TASP1: variants seen among roughly 807,000 people sequenced by gnomAD.
TASP1 encodes threonine aspartase 1.
Under a neutral mutation model 56.6 loss-of-function variants are expected in TASP1, and 16 were observed. The observed-to-expected ratio is 0.28, with a 90% CI of 0.19 to 0.43. The LOEUF (loss-of-function observed/expected upper bound fraction) is 0.43. TASP1 is among the 20% of genes least tolerant of loss of function. The pLI, the probability that TASP1 is intolerant of heterozygous loss-of-function variation, is 1.00. For missense variants in TASP1, 393 were observed against 511.6 expected (o/e 0.77, Z 2.24); for synonymous variants, 179 against 184.2 (o/e 0.97, Z 0.23).
the TASP1 span, among the ~76,000 whole-genome samples, chr20:13,351,931 A>C: frequency 6.6e-6 from 1 of 152,216 alleles, no homozygotes; most frequent in Non-Finnish European, 1.5e-5. Context: ...AAATCTGGCA[A>C]GCATGACAGA....
the TASP1 span, among the ~76,000 whole-genome samples, chr20:13,343,682 C>T: frequency 5.3e-5 from 8 of 152,094 alleles, no homozygotes; most frequent in African/African-American, 1.9e-4. Context: ...GGAGCTCCCC[C>T]TCGGGACTCA....
At chr20:13,413,019 G>C (rs1376143977) in intron 13 of TASP1, among the ~76,000 whole-genome samples, 2 of 152,022 alleles carry the variant, frequency 1.3e-5, no homozygotes, top group Non-Finnish European at 2.9e-5. Context: ...TCAAACCACA[G>C]CTCACAGTGT....
At chr20:13,631,150 A>G (rs2049073059) in intron 1 of TASP1, among the ~76,000 whole-genome samples, 1 of 152,134 alleles carries the variant, frequency 6.6e-6, no homozygotes, top group Admixed American at 6.5e-5. Flanking sequence ...GCATTTTTAA[A>G]TTCCCTTAAT....
At chr20:13,157,352 G>A in the TASP1 span, among the ~76,000 whole-genome samples, 1 of 151,940 alleles carries the variant, frequency 6.6e-6, no homozygotes, top group East Asian at 1.9e-4. Context: ...CAGGATAATC[G>A]CTGGAACCCG....
chr20:13,447,281 T>C (rs1003899713), intron 11 of TASP1, among the ~76,000 whole-genome samples: 2 of 152,180 alleles, frequency 1.3e-5, no homozygotes, highest in East Asian at 3.9e-4. Flanking sequence ...TTTGTATTTA[T>C]TTATGAATAA....
At chr20:13,167,558 C>T in the TASP1 span, 1 of 152,106 alleles carries the variant, frequency 6.6e-6, no homozygotes, top group Non-Finnish European at 1.5e-5. Flanking sequence ...TGAAAATGAC[C>T]TCAGGAAAGC....
chr20:13,169,099 A>G, the TASP1 span: 1 of 152,142 alleles, frequency 6.6e-6, no homozygotes, highest in Non-Finnish European at 1.5e-5. Context: ...ATAATATGAA[A>G]ATAATTGATG....
chr20:13,235,983 G>A, the TASP1 span, among the ~76,000 whole-genome samples: 2 of 151,526 alleles, frequency 1.3e-5, no homozygotes, highest in East Asian at 1.9e-4. Context: ...GGAGTGCAGT[G>A]ATGCAATCTT....
chr20:13,509,124 A>AGTGTGTGT (rs71334125), intron 10 of TASP1, among the ~76,000 whole-genome samples: 21,689 of 142,612 alleles, frequency 0.15, 1,886 homozygotes, highest in Non-Finnish European at 0.19. Flanking sequence ...GAATGAAGAA[A>AGTGTGTGT]GTGTGTGTGT....
At chr20:13,288,586 C>T in the TASP1 span, 4 of 1,613,814 alleles carry the variant, frequency 2.5e-6, no homozygotes, top group Non-Finnish European at 2.5e-6. Context: ...CTGTCTGCAG[C>T]GTCACCTGCG....
intron 10 of TASP1, among the ~76,000 whole-genome samples, chr20:13,524,779 T>C (rs1446438545): frequency 6.6e-6 from 1 of 152,188 alleles, no homozygotes; most frequent in African/African-American, 2.4e-5. Flanking sequence ...CTGGTGGCAG[T>C]AGTGACAGAG....
chr20:13,337,179 T>C, the TASP1 span, among the ~76,000 whole-genome samples: 1 of 152,148 alleles, frequency 6.6e-6, no homozygotes, highest in African/African-American at 2.4e-5. Flanking sequence ...GATTTCCTTC[T>C]CTGGGGAATT....
chr20:13,569,367 A>G, intron 7 of TASP1, 140 bp downstream of exon 7: 1 of 568,338 alleles, frequency 1.8e-6, no homozygotes, highest in South Asian at 4.0e-5. Context: ...ATAACTTTCT[A>G]CGTAGCTTTT....
intron 2 of TASP1, among the ~76,000 whole-genome samples, chr20:13,625,770 C>T (rs1244368011): frequency 5.3e-5 from 8 of 152,184 alleles, no homozygotes; most frequent in Admixed American, 1.3e-4. Context: ...TGCACCATTC[C>T]TAAACAAACA....
chr20:13,186,499 C>A, the TASP1 span, among the ~76,000 whole-genome samples: 1 of 152,202 alleles, frequency 6.6e-6, no homozygotes, highest in East Asian at 1.9e-4. Context: ...AAAATAGCTA[C>A]ATTACCAGTA....
At chr20:13,593,631 C>T (rs2047619568) in intron 4 of TASP1, among the ~76,000 whole-genome samples, 2 of 152,202 alleles carry the variant, frequency 1.3e-5, no homozygotes, top group Admixed American at 1.3e-4. Context: ...ACCTGCGAGG[C>T]TGCAGCCTGG....
chr20:13,589,874 T>C (rs902855453), intron 4 of TASP1, among the ~76,000 whole-genome samples: 6 of 152,290 alleles, frequency 3.9e-5, no homozygotes, highest in Admixed American at 2.6e-4. Context: ...CATTGTACTC[T>C]AGCCTGGGCA....
chr20:13,613,800 CAG>C (rs1176344285), intron 4 of TASP1, among the ~76,000 whole-genome samples: 3 of 152,104 alleles, frequency 2.0e-5, no homozygotes, highest in African/African-American at 7.2e-5. Context: ...TAAGTTTCAG[CAG>C]AGTTAGCCAC....
intron 8 of TASP1, among the ~76,000 whole-genome samples, chr20:13,554,750 AT>A (rs1368178771): frequency 6.6e-6 from 1 of 152,180 alleles, no homozygotes; most frequent in Admixed American, 6.5e-5. Context: ...GTTTAAAAAA[AT>A]ATGCATACCT....
Sources: allele counts gnomAD v4.1 joint callset (sites outside exome capture counted in the v4.1 genomes callset), GRCh38; gene constraint gnomAD v4.1.1; transcripts MANE v1.5; gene names NCBI Gene and HGNC (gene_info 2026-07-23, HGNC 2026-07-21).